Variants in MYH13 observed in about 807,000 individuals in gnomAD.
The protein encoded by MYH13 is myosin heavy chain 13.
MYH13 carries 177 observed loss-of-function variants against 232.1 expected under a neutral mutation model. That is an observed-to-expected ratio of 0.76 (90% CI 0.67 to 0.86). MYH13 has a LOEUF of 0.86. Ranked by LOEUF, MYH13 falls within the 40% of genes least tolerant of loss-of-function variation. The pLI, the probability that MYH13 is intolerant of heterozygous loss-of-function variation, is 0.00. For missense variants in MYH13, 2,246 were observed against 2,405.9 expected (o/e 0.93, Z 1.39); for synonymous variants, 884 against 923.5 (o/e 0.96, Z 0.78).
rs2071760154 is a variant in MYH13, at chr17:10,357,794, G to T, written c.679C>A (p.Pro227Thr). 6.2e-7 allele frequency: 1 copy of T among 1,613,872 alleles called. No homozygotes were observed. Among genetic ancestry groups the T allele is most frequent in the Non-Finnish European group, 8.5e-7 (1 of 1,179,850 alleles). The change falls in exon 8 of 41, where the codon CCA (proline) becomes ACA (threonine). Residue 227 changes from proline (P) to threonine (T), a missense_variant. Coordinates refer to ENST00000252172, the MANE Select transcript of MYH13 (RefSeq NM_003802.3). ...GCATTTCCAAAGGCCTCCAGCAGTG[G>T]GTTGGCCTGGATGATCTGATCCTCT... is the stretch of plus-strand genomic sequence containing the variant. Reference protein sequence around the residue: ...TLEDQIIQANPLLEAFGNAKT... With the variant: ...TLEDQIIQANTLLEAFGNAKT...
In MYH13 at chr17:10,324,216, TG is replaced by T. The variant is rs768127743; in HGVS notation, c.2739del (p.Ser915AlafsTer12). ...TTTGCTTCCAGTAGGATCTTGCTTT[TG>T]ATGAGTCCTTCACACCGTTCCTCAG... ...MDAEERCEGL[I>X]KSKILLEAKV... On this transcript the variant is annotated frameshift_variant, in exon 23 of 41. Coordinates refer to ENST00000252172, the MANE Select transcript of MYH13 (RefSeq NM_003802.3). LOFTEE classifies it high-confidence loss of function. 6.2e-7 allele frequency: 1 copy of T among 1,614,020 alleles called. No homozygotes were observed. Among genetic ancestry groups the T allele is most frequent in the South Asian group, 1.1e-5 (1 of 91,080 alleles).
At chr17:10,308,768 C>CTGGAG (rs1485789199) in intron 35 of MYH13, among the ~76,000 whole-genome samples, 1 of 152,056 alleles carries the variant, frequency 6.6e-6, no homozygotes, top group Non-Finnish European at 1.5e-5. Flanking sequence ...GTTGCCCAGG[C>CTGGAG]TGGAGTGCAG....
At chr17:10,349,524 A>C (rs958544397) in intron 12 of MYH13, among the ~76,000 whole-genome samples, 19 of 152,004 alleles carry the variant, frequency 1.2e-4, no homozygotes, top group African/African-American at 4.3e-4. Context: ...CCCAGTCAGA[A>C]GTGTTTCCTG....
intron 2 of MYH13, among the ~76,000 whole-genome samples, chr17:10,368,412 G>C (rs1287188641): frequency 6.6e-6 from 1 of 152,132 alleles, no homozygotes; most frequent in Non-Finnish European, 1.5e-5. Flanking sequence ...AAATAAAAAT[G>C]GTGCTTTATG....
At position 10,309,725 on chromosome 17, in the gene MYH13, C is replaced by G. The variant is rs774346836; in HGVS notation, c.4762G>C (p.Glu1588Gln). 11 of 1,603,458 alleles carry G rather than the reference C, an allele frequency of 6.9e-6. No individual in the cohort carries two copies. In the Admixed American group the frequency reaches 8.6e-5, roughly 12 times the overall value. ...RKVIEKDEEI[E>Q]QLKRNSQRAA... is the part of the protein sequence containing the mutation. Reference sequence around the variant, plus strand: ...CGCTGGCTGTTTCTTTTTAGCTGCTCGATTTCTTCATCCTTCTCAATGACC... The same window carrying G: ...CGCTGGCTGTTTCTTTTTAGCTGCTGGATTTCTTCATCCTTCTCAATGACC... The change falls in exon 34 of 41, where the codon GAG becomes CAG. Residue 1588 changes from glutamate to glutamine, a missense_variant. Transcript: ENST00000252172.
intron 18 of MYH13, among the ~76,000 whole-genome samples, chr17:10,338,689 G>GTTTTTTTTTTTTTTTTTTTTTT (rs757791680): frequency 9.2e-6 from 1 of 108,816 alleles, no homozygotes. Flanking sequence ...TTTTATCCTT[G>GTTTTTTTTTTTTTTTTTTTTTT]TTTTTTTTTT....
chr17:10,365,656 C>T (rs1202629578), intron 2 of MYH13, among the ~76,000 whole-genome samples: 2 of 152,168 alleles, frequency 1.3e-5, no homozygotes, highest in East Asian at 3.9e-4. Flanking sequence ...CTCAGACCCA[C>T]CCAAGATAAT....
intron 21 of MYH13, among the ~76,000 whole-genome samples, chr17:10,328,495 C>A (rs1907297620): frequency 6.6e-6 from 1 of 152,140 alleles, no homozygotes; most frequent in Non-Finnish European, 1.5e-5. Flanking sequence ...ATGTATTAAT[C>A]AGCTCTTAAC....
intron 18 of MYH13, among the ~76,000 whole-genome samples, chr17:10,334,423 T>C (rs1414432175): frequency 6.6e-6 from 1 of 152,206 alleles, no homozygotes; most frequent in Non-Finnish European, 1.5e-5. Context: ...TAAAAATTAA[T>C]TAACATTTTA....
rs1906292214 is a variant in MYH13, at chr17:10,306,540, C to T, written c.5385G>A (p.Lys1795=). 6.2e-7 allele frequency: 1 copy of T among 1,614,120 alleles called. No individual in the cohort carries two copies. Among genetic ancestry groups the T allele is most frequent in the Non-Finnish European group, 8.5e-7 (1 of 1,180,024 alleles). The change falls in exon 37 of 41, where the codon AAG becomes AAA. Residue 1795 remains lysine (K), a synonymous_variant. Coordinates refer to ENST00000252172, the MANE Select transcript of MYH13 (RefSeq NM_003802.3). This position sits in a 1 kb window ranked among gnomAD's most constrained non-coding sequence, Gnocchi z 4.3. ...CCTCATCTAGACGGTGCTGCAGGTC[C>T]TTCACCGTCTGCTCCAGGTTCTTCT... ...RMKKNLEQTV[K]DLQHRLDEAE... is the part of the protein sequence containing the mutation.
At chr17:10,313,494 GGTTT>G in intron 29 of MYH13, 140 bp from the exon 30 acceptor site, 1 of 1,257,490 alleles carries the variant, frequency 8.0e-7, no homozygotes, top group Non-Finnish European at 1.1e-6. Context: ...CATATCACCT[GGTTT>G]ATTTAATTTT....
intron 27 of MYH13, chr17:10,317,652 A>C (rs957885934): frequency 6.6e-6 from 1 of 152,290 alleles, no homozygotes; most frequent in African/African-American, 2.4e-5. Context: ...CACATGCTCC[A>C]CGAGGAATTC....
At chr17:10,351,355 G>A (rs1165083263) in intron 11 of MYH13, among the ~76,000 whole-genome samples, 1 of 152,152 alleles carries the variant, frequency 6.6e-6, no homozygotes, top group Admixed American at 6.5e-5. Context: ...GAATGACTGG[G>A]AAATAATGTT....
intron 2 of MYH13, among the ~76,000 whole-genome samples, chr17:10,369,764 T>C (rs2071864803): frequency 6.6e-6 from 1 of 152,258 alleles, no homozygotes; most frequent in African/African-American, 2.4e-5. Context: ...ACCTAGATGA[T>C]GTTTGAGTTA....
chr17:10,357,654 T>C lies in MYH13; in HGVS notation c.738+81A>G. On this transcript the variant is annotated intron_variant, in intron 8 of 40. Coordinates refer to ENST00000252172, the MANE Select transcript of MYH13 (RefSeq NM_003802.3). Reference sequence around the variant, plus strand: ...AAAAAGGCCCCCATATATTCCAGTTTATGGGGCAGTTTTTCATATCCAGCA... The same window carrying C: ...AAAAAGGCCCCCATATATTCCAGTTCATGGGGCAGTTTTTCATATCCAGCA... The C allele has an allele frequency of 1.8e-5, 23 of 1,310,842 alleles. No homozygotes were observed. In the South Asian group the frequency reaches 2.8e-4, roughly 16 times the overall value. 81.2% of individuals were successfully genotyped at this position (1,310,842 alleles called of 1,614,324 possible).
In MYH13 at chr17:10,303,223, C is replaced by T. The variant is rs1383490267; in HGVS notation, c.5640G>A (p.Lys1880=). The part of the protein sequence containing the change: ...DLVDKLQAKV[K]SYKRQAEEAE... ...CCTCCTCAGCCTGCCTCTTGTAAGACTTCACTTTGGCCTGCAGCTTGTCCA... is the reference window on the plus strand; with the variant it reads ...CCTCCTCAGCCTGCCTCTTGTAAGATTTCACTTTGGCCTGCAGCTTGTCCA... The change falls in exon 39 of 41, where the codon AAG becomes AAA. Residue 1880 remains lysine, a synonymous_variant. Coordinates refer to ENST00000252172, the MANE Select transcript of MYH13 (RefSeq NM_003802.3). The T allele has an allele frequency of 6.2e-7, 1 of 1,613,710 alleles. No homozygotes were observed. The highest frequency in any genetic ancestry group is 1.7e-5 in the Admixed American group (1 of 60,018).
chr17:10,343,905 C>T lies in MYH13; in HGVS notation c.1789G>A (p.Asp597Asn), dbSNP rs767909153. 6.2e-7 allele frequency: 1 copy of T among 1,614,214 alleles called. No individual in the cohort carries two copies. The highest frequency in any genetic ancestry group is 8.5e-7 in the Non-Finnish European group (1 of 1,180,032). The change falls in exon 16 of 41, where the codon GAC becomes AAC. Residue 597 changes from aspartate to asparagine, a missense_variant. Physicochemically the swap from Asp to Asn is conservative, Grantham distance 23. Coordinates refer to ENST00000252172, the MANE Select transcript of MYH13 (RefSeq NM_003802.3). ...TCGTTCAGGGGGTCCTTGTTTTTGT[C>T]CAGCCAGCCGGCGATGTTGTAGTCC... ...TVDYNIAGWL[D>N]KNKDPLNETV...
At position 10,350,829 on chromosome 17, in the gene MYH13, G is replaced by A. The variant is rs773841199; in HGVS notation, c.1006-135C>T. On this transcript the variant is annotated intron_variant, in intron 11 of 40. Transcript: ENST00000252172. ...GCCCAAATAAGTGGATGACAGGTGG[G>A]GATGTGGTAAATTAGAAACCATTTG... 16 of 1,152,970 alleles carry A rather than the reference G, an allele frequency of 1.4e-5. No homozygotes were observed. The East Asian group carries it at 2.7e-4, about 19-fold the overall frequency. 71.4% of individuals were successfully genotyped at this position (1,152,970 alleles called of 1,614,324 possible). A position where few individuals can be genotyped will look rare whatever the true frequency, so the allele number is the denominator to read the frequency against.
chr17:10,313,459 G>T, intron 29 of MYH13, 105 bp from the exon 30 acceptor site: 1 of 1,534,746 alleles, frequency 6.5e-7, no homozygotes, highest in Non-Finnish European at 8.8e-7. Context: ...TCCCTATGCT[G>T]TCTTCACCAA....
Sources: allele counts gnomAD v4.1 joint callset (sites outside exome capture counted in the v4.1 genomes callset), GRCh38; gene constraint gnomAD v4.1.1; non-coding constraint Gnocchi (gnomAD v3.1); transcripts MANE v1.5; gene names NCBI Gene and HGNC (gene_info 2026-07-23, HGNC 2026-07-21).